Variants in EXOC4 observed in about 807,000 individuals in gnomAD.
The protein encoded by EXOC4 is SEC8-like 1.
Under a neutral mutation model 107.2 loss-of-function variants are expected in EXOC4, and 71 were observed. That is an observed-to-expected ratio of 0.66 (90% CI 0.55 to 0.81). EXOC4 has a LOEUF of 0.81. Among genes scored for constraint, EXOC4 ranks in the 30% least tolerant of loss-of-function variants. The probability of loss-of-function intolerance (pLI) is 0.00; values close to 1 mark genes in which losing one functional copy is unlikely to be tolerated. For synonymous variants in EXOC4, 456 were observed against 441.2 expected (o/e 1.03, Z -0.42); for missense variants, 1,108 against 1,189.6 (o/e 0.93, Z 1.01).
At chr7:134,091,336 C>T in the EXOC4 span, among the ~76,000 whole-genome samples, 9 of 152,166 alleles carry the variant, frequency 5.9e-5, no homozygotes, top group Non-Finnish European at 1.3e-4. Flanking sequence ...TATAGGGGAA[C>T]TTCCTGTCAT....
intron 11 of EXOC4, among the ~76,000 whole-genome samples, chr7:133,837,999 G>A (rs1188829284): frequency 6.6e-6 from 1 of 152,084 alleles, no homozygotes; most frequent in Non-Finnish European, 1.5e-5. Context: ...TGTTACAAAT[G>A]GAACACAAAT....
rs752307802 is a variant in EXOC4, at chr7:133,817,554, C to G, written c.1734+10C>G. On this transcript the variant is annotated intron_variant, in intron 11 of 17. Transcript: ENST00000253861. ...GCGGCCTCTCCTACAGGTAATAATA[C>G]ACTTTGAACTTACTATTTTTATCAG... 1.3e-6 allele frequency: 2 copies of G among 1,581,542 alleles called. No homozygotes were observed. Among genetic ancestry groups the G allele is most frequent in the South Asian group, 2.2e-5 (2 of 89,464 alleles).
At chr7:133,973,997 C>T (rs190538566) in intron 14 of EXOC4, among the ~76,000 whole-genome samples, 198 of 152,276 alleles carry the variant, frequency 1.3e-3, no homozygotes, top group Admixed American at 0.011. Flanking sequence ...TCATAACTAA[C>T]CCACTCCTGC....
At chr7:133,372,411 A>G (rs1431340772) in intron 6 of EXOC4, among the ~76,000 whole-genome samples, 2 of 152,176 alleles carry the variant, frequency 1.3e-5, no homozygotes, top group African/African-American at 4.8e-5. Context: ...CACTATAGGA[A>G]CAGGCCTGTT....
At chr7:133,833,579 T>C (rs1028854687) in intron 11 of EXOC4, among the ~76,000 whole-genome samples, 1 of 152,144 alleles carries the variant, frequency 6.6e-6, no homozygotes, top group African/African-American at 2.4e-5. Context: ...TGGTTGGTTT[T>C]TGAAACAGGG....
At chr7:133,576,166 A>G (rs1292793974) in intron 9 of EXOC4, among the ~76,000 whole-genome samples, 1 of 151,656 alleles carries the variant, frequency 6.6e-6, no homozygotes, top group Non-Finnish European at 1.5e-5. Flanking sequence ...TCTACCCCCA[A>G]CCCCCGTTAT....
chr7:133,662,770 T>C (rs1793723437), intron 10 of EXOC4, among the ~76,000 whole-genome samples: 1 of 152,146 alleles, frequency 6.6e-6, no homozygotes, highest in African/African-American at 2.4e-5. Flanking sequence ...CAGAAGTAGC[T>C]ATTTTTCTCT....
chr7:133,502,120 C>T (rs1314395590), intron 9 of EXOC4, among the ~76,000 whole-genome samples: 1 of 151,890 alleles, frequency 6.6e-6, no homozygotes, highest in African/African-American at 2.4e-5. Flanking sequence ...AAACCAGGGT[C>T]AGACACTTGA....
chr7:133,826,115 A>T (rs1585179871), intron 11 of EXOC4, among the ~76,000 whole-genome samples: 1 of 152,314 alleles, frequency 6.6e-6, no homozygotes, highest in East Asian at 1.9e-4. Context: ...GGAGTGGAAG[A>T]TGCCTGTGTT....
intron 13 of EXOC4, among the ~76,000 whole-genome samples, chr7:133,923,922 A>G (rs1432627612): frequency 6.6e-6 from 1 of 151,962 alleles, no homozygotes; most frequent in African/African-American, 2.4e-5. Context: ...TTACATTTTT[A>G]TTTCCTCTAC....
intron 9 of EXOC4, among the ~76,000 whole-genome samples, chr7:133,599,763 T>C (rs1380278778): frequency 1.3e-5 from 2 of 152,182 alleles, no homozygotes; most frequent in Non-Finnish European, 2.9e-5. Flanking sequence ...TTGGTATCTC[T>C]GGTGGGTAAA....
At chr7:133,371,057 AAG>A (rs1339225817) in intron 6 of EXOC4, among the ~76,000 whole-genome samples, 1 of 152,216 alleles carries the variant, frequency 6.6e-6, no homozygotes, top group Non-Finnish European at 1.5e-5. Context: ...AGTGAACTAA[AAG>A]AGAAAAGTTG....
chr7:133,815,118 C>G (rs1797334707), intron 10 of EXOC4, among the ~76,000 whole-genome samples: 1 of 152,040 alleles, frequency 6.6e-6, no homozygotes, highest in Middle Eastern at 3.2e-3. Context: ...AATTTTTTAT[C>G]AAAACGTTAA....
At chr7:134,042,116 A>G (rs1240326862) in intron 17 of EXOC4, among the ~76,000 whole-genome samples, 1 of 152,148 alleles carries the variant, frequency 6.6e-6, no homozygotes, top group Non-Finnish European at 1.5e-5. Context: ...ATGTCTTAGG[A>G]AAAGGGAAAA....
chr7:133,689,575 C>G (rs1794376070), intron 10 of EXOC4, among the ~76,000 whole-genome samples: 3 of 152,148 alleles, frequency 2.0e-5, no homozygotes. Flanking sequence ...GGTGGTAAAA[C>G]ACGGAAGGCA....
At chr7:133,256,107 G>A (rs1289966661) in intron 1 of EXOC4, among the ~76,000 whole-genome samples, 1 of 151,382 alleles carries the variant, frequency 6.6e-6, no homozygotes, top group East Asian at 1.9e-4. Flanking sequence ...TCAACCTCCC[G>A]AGTAGCTGGG....
chr7:133,647,502 A>T (rs999311970), intron 10 of EXOC4, among the ~76,000 whole-genome samples: 3 of 152,072 alleles, frequency 2.0e-5, no homozygotes, highest in African/African-American at 7.2e-5. Flanking sequence ...GCATGGAGAG[A>T]TGAAGTAGCT....
chr7:133,463,819 A>G (rs1345522564), intron 7 of EXOC4, among the ~76,000 whole-genome samples: 2 of 152,182 alleles, frequency 1.3e-5, no homozygotes, highest in African/African-American at 2.4e-5. Context: ...GAGAAGAATG[A>G]TAACTTTGAG....
intron 11 of EXOC4, among the ~76,000 whole-genome samples, chr7:133,839,648 G>A (rs565259890): frequency 6.6e-6 from 1 of 152,286 alleles, no homozygotes; most frequent in South Asian, 2.1e-4. Context: ...TATCAGCCAT[G>A]GAGGACTTGT....
Sources: gnomAD v4.1 joint callset for allele counts (sites outside exome capture counted in the v4.1 genomes callset) on GRCh38, gnomAD v4.1.1 for gene constraint, MANE v1.5 for transcripts, NCBI Gene and HGNC (gene_info 2026-07-23, HGNC 2026-07-21) for gene names.